The following NHSL2 variants were observed in gnomAD, a reference collection of about 807,000 sequenced individuals.
NHSL2 encodes NHS-like protein 2.
A neutral mutation model predicts 53.4 loss-of-function variants in NHSL2; 27 were observed. The observed-to-expected ratio is 0.51, with a 90% CI of 0.37 to 0.70. The LOEUF (loss-of-function observed/expected upper bound fraction) is 0.70. NHSL2 is among the 30% of genes least tolerant of loss of function. The pLI is 0.00. For missense variants in NHSL2, 892 were observed against 980.1 expected (o/e 0.91, Z 1.20); for synonymous variants, 408 against 404.1 (o/e 1.01, Z -0.12).
rs777741720 is a variant in NHSL2 at position 72,139,817 on chromosome X, C to G, written c.2269C>G (p.Pro757Ala). The change falls in exon 6 of 8, where the codon CCG (proline) becomes GCG (alanine). Residue 757 changes from proline to alanine, a missense_variant. Physicochemically the swap from Pro to Ala is conservative, Grantham distance 27. Coordinates refer to ENST00000633930, the MANE Select transcript of NHSL2 (RefSeq NM_001013627.3). ...VVPERKSSLP[P>A]TSPMEKFPKS... is the part of the protein sequence containing the mutation. ...ACCTGAGAGGAAGTCATCACTACCC[C>G]CGACGTCACCAATGGAGAAATTTCC... 5 of 1,210,526 alleles carry G rather than the reference C, an allele frequency of 4.1e-6. No individual in the cohort carries two copies. The South Asian group carries it at 8.8e-5, about 21-fold the overall frequency.
chrX:72,052,235 C>T (rs774986962), intron 1 of NHSL2, among the ~76,000 whole-genome samples: 2 of 111,935 alleles, frequency 1.8e-5, no homozygotes, highest in East Asian at 2.8e-4. Context: ...GGGTGACATG[C>T]GTGGTTATCA....
At chrX:71,977,148 G>T (rs183720346) in intron 1 of NHSL2, among the ~76,000 whole-genome samples, 1 of 111,782 alleles carries the variant, frequency 8.9e-6, no homozygotes, top group African/African-American at 3.3e-5. Flanking sequence ...ATAGCAGTTA[G>T]GTGCCCCAGA....
intron 1 of NHSL2, among the ~76,000 whole-genome samples, chrX:72,096,948 C>T (rs2041948899): frequency 8.9e-6 from 1 of 112,084 alleles, no homozygotes; most frequent in African/African-American, 3.2e-5. Flanking sequence ...TAACTATAGT[C>T]ATCCTGCAAT....
At chrX:71,991,095 A>C (rs1255602661) in intron 1 of NHSL2, among the ~76,000 whole-genome samples, 1 of 112,782 alleles carries the variant, frequency 8.9e-6, no homozygotes, top group African/African-American at 3.2e-5. Flanking sequence ...ACCTTGAATA[A>C]GTCCCTTCCT....
intron 1 of NHSL2, among the ~76,000 whole-genome samples, chrX:72,100,204 C>T (rs758863707): frequency 8.1e-5 from 9 of 111,692 alleles, no homozygotes; most frequent in Non-Finnish European, 1.7e-4. Context: ...GAGAGAAATG[C>T]GTCATTAGGT....
At position 72,089,736 on chromosome X, in the gene NHSL2, G is replaced by C. The variant is rs755556575; in HGVS notation, c.281-42343G>C. Among the ~76,000 whole-genome samples the C allele has an allele frequency of 1.8e-4, 20 of 110,896 alleles. No individual in the cohort carries two copies. In the Admixed American group the frequency reaches 1.9e-3, roughly 11 times the overall value. On this transcript the variant is annotated intron_variant, in intron 1 of 7. Coordinates refer to ENST00000633930, the MANE Select transcript of NHSL2 (RefSeq NM_001013627.3). ...AGAAGCCACTGGGGGATCTGGGATG[G>C]AGGAGTGTAGAAGGAAACCAAGTTT... is the stretch of plus-strand genomic sequence containing the variant.
intron 1 of NHSL2, among the ~76,000 whole-genome samples, chrX:71,914,727 G>A (rs1046269976): frequency 4.5e-5 from 5 of 111,974 alleles, no homozygotes; most frequent in Non-Finnish European, 9.4e-5. Flanking sequence ...ATAGACTGTT[G>A]TAAATCTATA....
In NHSL2 at chrX:72,133,671, C is replaced by T. The variant is rs770156638; in HGVS notation, c.437-420C>T. The T allele has an allele frequency of 8.6e-5, 10 of 115,633 alleles. No individual in the cohort carries two copies. In the Admixed American group the frequency reaches 9.0e-4, roughly 10 times the overall value. 9.5% of individuals were successfully genotyped at this position (115,633 alleles called of 1,213,427 possible). A position where few individuals can be genotyped will look rare whatever the true frequency, so the allele number is the denominator to read the frequency against. On this transcript the variant is annotated intron_variant, in intron 2 of 7. Coordinates refer to ENST00000633930, the MANE Select transcript of NHSL2 (RefSeq NM_001013627.3). ...AAGAAAGAACTCCAGATTGGACTTC[C>T]TGGTGTAAATCTCTTCTTGCTTCAC...
chrX:72,018,634 C>A (rs1356754179), intron 1 of NHSL2, among the ~76,000 whole-genome samples: 1 of 112,650 alleles, frequency 8.9e-6, no homozygotes, highest in Non-Finnish European at 1.9e-5. Flanking sequence ...CCGGTGCGGG[C>A]GCAGCCGGCG....
At chrX:72,013,432 T>C (rs1275870203) in intron 1 of NHSL2, among the ~76,000 whole-genome samples, 1 of 112,152 alleles carries the variant, frequency 8.9e-6, no homozygotes, top group Non-Finnish European at 1.9e-5. Context: ...AATTGTCTTG[T>C]AGATTCCTTG....
rs766748920 is a variant in NHSL2 at position 72,134,569 on chromosome X, G to C, written c.625G>C (p.Ala209Pro). The C allele has an allele frequency of 4.3e-6, 5 of 1,165,889 alleles. No individual in the cohort carries two copies. The South Asian group carries it at 9.5e-5, about 22-fold the overall frequency. The change falls in exon 4 of 8, where the codon GCC becomes CCC. Residue 209 changes from alanine to proline, a missense_variant. Transcript: ENST00000633930. The stretch of plus-strand genomic sequence containing the variant: ...CACCCAGGGTGTGAGGGCCCCCGAG[G>C]CCTCCCTGAGCCTGTCTACCACAGC... ...TTTQGVRAPE[A>P]SLSLSTTADK...
At chrX:71,932,386 C>T (rs900459659) in intron 1 of NHSL2, among the ~76,000 whole-genome samples, 1 of 110,527 alleles carries the variant, frequency 9.0e-6, no homozygotes, top group African/African-American at 3.3e-5. Flanking sequence ...ACCAATTCTA[C>T]AGGGTCTGTG....
At chrX:72,121,785 A>T (rs756342914) in intron 1 of NHSL2, among the ~76,000 whole-genome samples, 1 of 112,175 alleles carries the variant, frequency 8.9e-6, no homozygotes, top group Non-Finnish European at 1.9e-5. Context: ...GGATGGGAAG[A>T]TTAGTTGATC....
At chrX:72,079,924 G>T in intron 1 of NHSL2, 1 of 114,247 alleles carries the variant, frequency 8.8e-6, no homozygotes, top group Non-Finnish European at 1.9e-5. Context: ...TGGGCCGACG[G>T]GTCCAGGGTG....
chrX:72,100,223 C>T (rs780638970), intron 1 of NHSL2, among the ~76,000 whole-genome samples: 1 of 111,824 alleles, frequency 8.9e-6, no homozygotes, highest in East Asian at 2.8e-4. Flanking sequence ...GTGATTTCCT[C>T]ATTGTGCAAA....
intron 1 of NHSL2, among the ~76,000 whole-genome samples, chrX:71,917,734 G>T (rs894184549): frequency 3.6e-5 from 4 of 111,476 alleles, no homozygotes; most frequent in Non-Finnish European, 7.5e-5. Context: ...GCCGTTGAAG[G>T]TTGAAGAAGG....
Position 72,139,665 on chromosome X carries a change from CT to C in NHSL2, c.2118del (p.Gly707AspfsTer2). ...AREISSPGRP[P>X]GLMSPSSGYS... ...GAGATATCATCCCCGGGAAGGCCCCCTGGACTGATGTCACCCTCCAGTGGCT... is the reference window on the plus strand; with the variant it reads ...GAGATATCATCCCCGGGAAGGCCCCCGGACTGATGTCACCCTCCAGTGGCT... On this transcript the variant is annotated frameshift_variant, in exon 6 of 8. Transcript: ENST00000633930. LOFTEE classifies it high-confidence loss of function. 1 of 1,211,398 alleles carries C rather than the reference CT, an allele frequency of 8.3e-7. No homozygotes were observed. The highest frequency in any genetic ancestry group is 1.1e-6 in the Non-Finnish European group (1 of 895,323).
chrX:71,939,803 T>G (rs1418047182), intron 1 of NHSL2, among the ~76,000 whole-genome samples: 9 of 111,796 alleles, frequency 8.1e-5, no homozygotes. Flanking sequence ...ATAGAAAATG[T>G]TCGATAAATG....
chrX:72,020,008 G>A (rs1013812985), intron 1 of NHSL2, among the ~76,000 whole-genome samples: 2 of 111,662 alleles, frequency 1.8e-5, no homozygotes, highest in East Asian at 2.8e-4. Context: ...AATCTCCCCT[G>A]AATCCTATCC....
Sources: gnomAD v4.1 joint callset for allele counts (sites outside exome capture counted in the v4.1 genomes callset) on GRCh38, gnomAD v4.1.1 for gene constraint, MANE v1.5 for transcripts, NCBI Gene and HGNC (gene_info 2026-07-23, HGNC 2026-07-21) for gene names.